Variants in CSMD1 observed in about 807,000 individuals in gnomAD.
CSMD1 encodes CUB and Sushi multiple domains 1.
CSMD1 carries 213 observed loss-of-function variants against 417.5 expected under a neutral mutation model. The observed-to-expected ratio is 0.51, with a 90% CI of 0.46 to 0.57. The LOEUF is 0.57. CSMD1 is among the 20% of genes least tolerant of loss of function. The pLI is 0.00. For synonymous variants in CSMD1, 2,862 were observed against 1,736.8 expected (o/e 1.65, Z -16.11); for missense variants, 6,923 against 4,529.7 (o/e 1.53, Z -15.17).
At chr8:3,246,766 C>A (rs1027717533) in intron 26 of CSMD1, among the ~76,000 whole-genome samples, 2 of 152,184 alleles carry the variant, frequency 1.3e-5, no homozygotes, top group East Asian at 1.9e-4. Context: ...AACCACCGGG[C>A]CTGGACTTTT....
chr8:3,836,751 A>C (rs1398437551), intron 5 of CSMD1, among the ~76,000 whole-genome samples: 1 of 151,664 alleles, frequency 6.6e-6, no homozygotes, highest in African/African-American at 2.4e-5. Context: ...AATTCAGGGC[A>C]AAAAAATGTA....
intron 3 of CSMD1, among the ~76,000 whole-genome samples, chr8:4,363,442 T>G (rs1016565388): frequency 6.6e-6 from 1 of 152,196 alleles, no homozygotes; most frequent in East Asian, 1.9e-4. Context: ...TCCCCTCATT[T>G]AGGGTCTTTC....
At chr8:3,657,365 T>C (rs758022124) in intron 7 of CSMD1, among the ~76,000 whole-genome samples, 1 of 152,040 alleles carries the variant, frequency 6.6e-6, no homozygotes, top group African/African-American at 2.4e-5. Flanking sequence ...AAAAGATCTC[T>C]GCAATGAAAC....
At chr8:4,076,519 A>C (rs1454381824) in intron 3 of CSMD1, among the ~76,000 whole-genome samples, 1 of 152,230 alleles carries the variant, frequency 6.6e-6, no homozygotes, top group Non-Finnish European at 1.5e-5. Context: ...TATATGAACA[A>C]ATAGAGCCAA....
intron 2 of CSMD1, among the ~76,000 whole-genome samples, chr8:4,620,870 G>C (rs1163748603): frequency 6.6e-6 from 1 of 151,402 alleles, no homozygotes; most frequent in Non-Finnish European, 1.5e-5. Context: ...ATAAATAGAA[G>C]AGTGAAAATA....
rs112028005 is a variant in CSMD1, at chr8:4,444,346, C to CAAAAAAAAA, written c.303-24290_303-24282dup. 3.1e-3 allele frequency among the ~76,000 whole-genome samples: 143 copies of CAAAAAAAAA among 46,266 alleles called. 29 individuals are homozygous for CAAAAAAAAA. The highest frequency in any genetic ancestry group is 4.7e-3 in the African/African-American group (66 of 14,098). 30.4% of individuals were successfully genotyped at this position (46,266 alleles called of 152,430 possible). A position where few individuals can be genotyped will look rare whatever the true frequency, so the allele number is the denominator to read the frequency against. ...TGGGCTACAGAGTGAGACTCCATCT[C>CAAAAAAAAA]AAAAAAAAAAAAAAAAAAAAAAAAA... On this transcript the variant is annotated intron_variant, in intron 2 of 69. Transcript: ENST00000635120.
intron 5 of CSMD1, among the ~76,000 whole-genome samples, chr8:3,989,167 G>T (rs945383806): frequency 6.6e-6 from 1 of 152,318 alleles, no homozygotes; most frequent in Non-Finnish European, 1.5e-5. Context: ...CCAAGCGTCT[G>T]CTCATTTGCT....
chr8:4,550,812 A>G (rs1335737387), intron 2 of CSMD1, among the ~76,000 whole-genome samples: 1 of 152,094 alleles, frequency 6.6e-6, no homozygotes, highest in Non-Finnish European at 1.5e-5. Context: ...ACAAACCACC[A>G]CCAATTGGTC....
At chr8:4,325,011 C>A (rs1391565299) in intron 3 of CSMD1, among the ~76,000 whole-genome samples, 2 of 152,060 alleles carry the variant, frequency 1.3e-5, no homozygotes, top group African/African-American at 4.8e-5. Flanking sequence ...TGTGGTCACT[C>A]ATTGAGTGAG....
chr8:3,965,294 C>A (rs370566442), intron 5 of CSMD1, among the ~76,000 whole-genome samples: 9 of 152,268 alleles, frequency 5.9e-5, no homozygotes, highest in African/African-American at 2.2e-4. Context: ...GGTCTCTAAG[C>A]ATGGGTTTCT....
At chr8:4,837,819 G>A (rs557357216) in intron 1 of CSMD1, among the ~76,000 whole-genome samples, 38 of 152,028 alleles carry the variant, frequency 2.5e-4, no homozygotes, top group Admixed American at 7.9e-4. Flanking sequence ...TCCCCATGAT[G>A]CACTTATTTG....
At chr8:4,193,794 G>T (rs1377338625) in intron 3 of CSMD1, among the ~76,000 whole-genome samples, 1 of 152,054 alleles carries the variant, frequency 6.6e-6, no homozygotes, top group Non-Finnish European at 1.5e-5. Flanking sequence ...TGACATCGAA[G>T]GATGCTATGG....
chr8:4,235,353 GTGTTT>G (rs1465848020), intron 3 of CSMD1, among the ~76,000 whole-genome samples: 2 of 123,468 alleles, frequency 1.6e-5, no homozygotes, highest in African/African-American at 5.1e-5. Flanking sequence ...ATCAAAAGAC[GTGTTT>G]TGTTTTTTTT....
intron 12 of CSMD1, among the ~76,000 whole-genome samples, chr8:3,463,635 G>T (rs1563063517): frequency 6.6e-6 from 1 of 152,094 alleles, no homozygotes; most frequent in Admixed American, 6.5e-5. Flanking sequence ...CTCGGTTCAG[G>T]GACAGCACCC....
At chr8:4,987,345 A>T (rs1188146966) in intron 1 of CSMD1, among the ~76,000 whole-genome samples, 1 of 152,226 alleles carries the variant, frequency 6.6e-6, no homozygotes. Context: ...CTATAATGAT[A>T]ACGGTGACAG....
intron 2 of CSMD1, among the ~76,000 whole-genome samples, chr8:4,633,103 G>A (rs1402321180): frequency 6.6e-6 from 1 of 152,294 alleles, no homozygotes. Flanking sequence ...CGAGAGGGGA[G>A]CCTGGGGCAG....
chr8:4,042,973 A>C (rs568002691), intron 3 of CSMD1, among the ~76,000 whole-genome samples: 2 of 138,128 alleles, frequency 1.4e-5, no homozygotes. Flanking sequence ...TAAATATGGG[A>C]AAAAAAAAAT....
At chr8:4,675,921 A>G (rs933435607) in intron 1 of CSMD1, among the ~76,000 whole-genome samples, 1 of 152,200 alleles carries the variant, frequency 6.6e-6, no homozygotes, top group Admixed American at 6.5e-5. Context: ...GAGAAAAATA[A>G]ACGTTAAGCC....
intron 3 of CSMD1, among the ~76,000 whole-genome samples, chr8:4,080,531 T>C (rs2248211): frequency 0.012 from 1,893 of 152,346 alleles, 39 homozygotes; most frequent in African/African-American, 0.041. Flanking sequence ...AAGACTGTCT[T>C]GTCCAACACA....
Sources: gnomAD v4.1 joint callset for allele counts (sites outside exome capture counted in the v4.1 genomes callset) on GRCh38, gnomAD v4.1.1 for gene constraint, MANE v1.5 for transcripts, NCBI Gene and HGNC (gene_info 2026-07-23, HGNC 2026-07-21) for gene names.